The following ATP2A2 variants were observed in gnomAD, a reference collection of about 807,000 sequenced individuals.
ATP2A2 encodes ATPase sarcoplasmic/endoplasmic reticulum Ca2+ transporting 2.
Under a neutral mutation model 109.3 loss-of-function variants are expected in ATP2A2, and 14 were observed. That is an observed-to-expected ratio of 0.13 (90% CI 0.08 to 0.20). The LOEUF is 0.20. Ranked by LOEUF, ATP2A2 falls within the 10% of genes least tolerant of loss-of-function variation. The pLI is 1.00. For synonymous variants in ATP2A2, 506 were observed against 490.9 expected, an observed-to-expected ratio of 1.03 and a Z score of -0.41; for missense variants, 657 against 1,321.6, an observed-to-expected ratio of 0.50 and a Z score of 7.80.
At chr12:110,293,269 T>A (rs1372544139) in intron 4 of ATP2A2, among the ~76,000 whole-genome samples, 2 of 151,282 alleles carry the variant, frequency 1.3e-5, no homozygotes, top group Non-Finnish European at 2.9e-5. Flanking sequence ...AGAGACGGGG[T>A]TTCACCATCA....
At chr12:110,316,131 G>A (rs1279524696) in intron 5 of ATP2A2, among the ~76,000 whole-genome samples, 1 of 152,232 alleles carries the variant, frequency 6.6e-6, no homozygotes, top group East Asian at 1.9e-4. Flanking sequence ...GTTAGTCTTA[G>A]CATTTGTTTC....
chr12:110,345,942 C>A, intron 18 of ATP2A2, 59 bp from the exon 19 acceptor site: 1 of 1,516,474 alleles, frequency 6.6e-7, no homozygotes, highest in Non-Finnish European at 9.2e-7. Context: ...GGTCTTACTG[C>A]CACTGTGACA....
In ATP2A2 at chr12:110,346,720, A is replaced by G; in HGVS notation, c.*250A>G. 7.4e-7 allele frequency: 1 copy of G among 1,356,776 alleles called. No homozygotes were observed. Among genetic ancestry groups the G allele is most frequent in the East Asian group, 3.1e-5 (1 of 32,010 alleles). The allele number at this position is 1,356,776 out of a possible 1,614,324, so 84.0% of individuals were successfully genotyped here. The stretch of plus-strand genomic sequence containing the variant: ...ATTTTATGCAAATATTTTTTTGTAG[A>G]TGAAAAAGCATGTACAGTGTTCTGT... On this transcript the variant is annotated 3_prime_UTR_variant, in exon 20 of 20. Coordinates refer to ENST00000539276, the MANE Select transcript of ATP2A2 (RefSeq NM_170665.4).
At chr12:110,296,518 C>T in intron 4 of ATP2A2, 81 bp from the exon 5 acceptor site, 2 of 1,573,764 alleles carry the variant, frequency 1.3e-6, no homozygotes, top group Non-Finnish European at 8.7e-7. Flanking sequence ...AAGATTAGAC[C>T]TCTAACATTT....
At chr12:110,325,404 T>TG (rs779107612) in intron 6 of ATP2A2, among the ~76,000 whole-genome samples, 17 of 151,208 alleles carry the variant, frequency 1.1e-4, no homozygotes, top group Non-Finnish European at 1.6e-4. Flanking sequence ...GAGGCCGAGG[T>TG]GGGGGGATCA....
At chr12:110,314,456 A>G (rs1373870925) in intron 5 of ATP2A2, among the ~76,000 whole-genome samples, 9 of 152,244 alleles carry the variant, frequency 5.9e-5, no homozygotes, top group African/African-American at 1.2e-4. Flanking sequence ...TTTGTATGCA[A>G]AAGTAAAAGA....
At chr12:110,313,558 A>G (rs1360860414) in intron 5 of ATP2A2, among the ~76,000 whole-genome samples, 2 of 151,410 alleles carry the variant, frequency 1.3e-5, no homozygotes, top group Non-Finnish European at 2.9e-5. Flanking sequence ...CAAGTGCTTC[A>G]TCTGCCTTGG....
intron 5 of ATP2A2, among the ~76,000 whole-genome samples, chr12:110,316,808 A>G (rs980741408): frequency 6.6e-6 from 1 of 152,182 alleles, no homozygotes; most frequent in Non-Finnish European, 1.5e-5. Context: ...CCCAGAAACA[A>G]GTTAGAGGAA....
chr12:110,350,080 CTG>C lies in ATP2A2; in HGVS notation c.*3614_*3615del, dbSNP rs1019172863. ...TCTGTAGCCAGACGACACGAGGAGTCTGTGTCACTGAGCCAGTGCTTCTAGAT... is the reference window on the plus strand; with the variant it reads ...TCTGTAGCCAGACGACACGAGGAGTCTGTCACTGAGCCAGTGCTTCTAGAT... On this transcript the variant is annotated 3_prime_UTR_variant, in exon 20 of 20. Coordinates refer to ENST00000539276, the MANE Select transcript of ATP2A2 (RefSeq NM_170665.4). 4.9e-5 allele frequency: 71 copies of C among 1,447,068 alleles called. No individual in the cohort carries two copies. The African/African-American group carries it at 9.0e-4, about 18-fold the overall frequency. The allele number at this position is 1,447,068 out of a possible 1,614,324, so 89.6% of individuals were successfully genotyped here.
intron 5 of ATP2A2, among the ~76,000 whole-genome samples, chr12:110,297,434 CAAA>C (rs5800888): frequency 7.9e-5 from 5 of 62,900 alleles, no homozygotes; most frequent in Non-Finnish European, 1.5e-4. Context: ...GACTTCATCT[CAAA>C]AAAAAAAAAA....
intron 5 of ATP2A2, among the ~76,000 whole-genome samples, chr12:110,299,289 C>CA (rs919963240): frequency 6.6e-6 from 1 of 151,554 alleles, no homozygotes; most frequent in Non-Finnish European, 1.5e-5. Context: ...TTTTTAATAG[C>CA]AAAAAATATT....
chr12:110,337,352 C>T (rs1345397107), intron 11 of ATP2A2, among the ~76,000 whole-genome samples: 1 of 152,200 alleles, frequency 6.6e-6, no homozygotes, highest in African/African-American at 2.4e-5. Context: ...GGATTTCCCT[C>T]CCCCACTCCC....
Position 110,281,906 on chromosome 12 carries a change from C to T in ATP2A2, c.117C>T (p.Asn39=), listed in dbSNP as rs376578138. The T allele has an allele frequency of 1.8e-5, 29 of 1,577,972 alleles. No individual in the cohort carries two copies. Among genetic ancestry groups the T allele is most frequent in the Non-Finnish European group, 2.4e-5 (28 of 1,164,158 alleles). ...VKKLKERWGS[N]ELPAEEGKTL... is the part of the protein sequence containing the mutation. ...AGCTTAAGGAGAGATGGGGCTCCAA[C>T]GGTAGGTGCAGGGCGCTCCGCTGCA... The change falls in exon 1 of 20, where the codon AAC becomes AAT. Residue 39 remains asparagine (N), a splice_region_variant and synonymous_variant. Transcript: ENST00000539276.
intron 5 of ATP2A2, among the ~76,000 whole-genome samples, chr12:110,306,411 T>G (rs1875337076): frequency 6.6e-6 from 1 of 152,168 alleles, no homozygotes; most frequent in Non-Finnish European, 1.5e-5. Context: ...GGATTTAATG[T>G]GTGATGCTGA....
rs879717596 is a variant in ATP2A2, at chr12:110,281,391, G to T, written c.-399G>T. On this transcript the variant is annotated 5_prime_UTR_variant, in exon 1 of 20. Transcript: ENST00000539276. ...CCCGCCGGCTCGCCTCCCTCGCCGC[G>T]TTCCGCCCTCAGTGGTCTGCCGGGC... 8.2e-4 allele frequency: 124 copies of T among 152,026 alleles called. No homozygotes were observed. Among genetic ancestry groups the T allele is most frequent in the South Asian group, 2.3e-3 (11 of 4,842 alleles). The allele number at this position is 152,026 out of a possible 1,614,324, so 9.4% of individuals were successfully genotyped here.
rs1880026724 is a variant in ATP2A2 at position 110,347,859 on chromosome 12, G to A, written c.*1389G>A. On this transcript the variant is annotated 3_prime_UTR_variant, in exon 20 of 20. Coordinates refer to ENST00000539276, the MANE Select transcript of ATP2A2 (RefSeq NM_170665.4). ...GTGACTGCCACCAAGTGAGATAACTGTATGTCACTAACTTATAAGCCGCCT... is the reference window on the plus strand; with the variant it reads ...GTGACTGCCACCAAGTGAGATAACTATATGTCACTAACTTATAAGCCGCCT... 3 of 1,011,684 alleles carry A rather than the reference G, an allele frequency of 3.0e-6. No homozygotes were observed. Among genetic ancestry groups the A allele is most frequent in the Non-Finnish European group, 3.5e-6 (3 of 846,002 alleles). The allele number at this position is 1,011,684 out of a possible 1,614,324, so 62.7% of individuals were successfully genotyped here.
In ATP2A2 at chr12:110,327,753, G is replaced by T. The variant is rs1422224309; in HGVS notation, c.831G>T (p.Gly277=). 3 of 1,614,116 alleles carry T rather than the reference G, an allele frequency of 1.9e-6. No homozygotes were observed. Among genetic ancestry groups the T allele is most frequent in the South Asian group, 2.2e-5 (2 of 91,078 alleles). ...ICIAVWIINI[G]HFNDPVHGGS... ...TTGCAGTCTGGATCATAAATATTGG[G>T]CACTTCAATGACCCGGTTCATGGAG... Residue 277 remains glycine (G), a synonymous_variant, in exon 8 of 20, where the codon GGG becomes GGT. Coordinates refer to ENST00000539276, the MANE Select transcript of ATP2A2 (RefSeq NM_170665.4). This position sits in a 1 kb window ranked among gnomAD's most constrained non-coding sequence, Gnocchi z 4.4.
In ATP2A2 at chr12:110,281,921, G is replaced by A; in HGVS notation, c.118+14G>A. On this transcript the variant is annotated intron_variant, in intron 1 of 19. Transcript: ENST00000539276. ...GGGGCTCCAACGGTAGGTGCAGGGC[G>A]CTCCGCTGCAGGGGCCCGGCGCGGC... is the stretch of plus-strand genomic sequence containing the variant. The A allele has an allele frequency of 6.4e-7, 1 of 1,557,246 alleles. No homozygotes were observed. Among genetic ancestry groups the A allele is most frequent in the Non-Finnish European group, 8.7e-7 (1 of 1,151,884 alleles).
chr12:110,300,144 CTCCTT>C (rs1363356569), intron 5 of ATP2A2, among the ~76,000 whole-genome samples: 1 of 136,722 alleles, frequency 7.3e-6, no homozygotes, highest in Non-Finnish European at 1.6e-5. Context: ...CTCCCCTCCC[CTCCTT>C]CTGTCCTCCC....
Sources: gnomAD v4.1 joint callset for allele counts (sites outside exome capture counted in the v4.1 genomes callset) on GRCh38, gnomAD v4.1.1 for gene constraint, Gnocchi (gnomAD v3.1) non-coding constraint, MANE v1.5 for transcripts, NCBI Gene and HGNC (gene_info 2026-07-23, HGNC 2026-07-21) for gene names.